PTPRM: variants seen among roughly 807,000 people sequenced by gnomAD.
PTPRM encodes protein tyrosine phosphatase receptor type M, also known as receptor-type tyrosine-protein phosphatase mu.
A neutral mutation model predicts 186.7 loss-of-function variants in PTPRM; 47 were observed. The observed-to-expected ratio is 0.25, with a 90% CI of 0.20 to 0.32. The LOEUF (loss-of-function observed/expected upper bound fraction) is 0.32. Ranked by LOEUF, PTPRM falls within the 10% of genes least tolerant of loss-of-function variation. The probability of loss-of-function intolerance (pLI) is 1.00; values close to 1 mark genes in which losing one functional copy is unlikely to be tolerated. For missense variants in PTPRM, 1,494 were observed against 1,865.0 expected (o/e 0.80, Z 3.66); for synonymous variants, 668 against 674.9 (o/e 0.99, Z 0.16).
Position 8,170,411 on chromosome 18 carries a change from G to A in PTPRM, c.2300+26632G>A, listed in dbSNP as rs143436867. On this transcript the variant is annotated intron_variant, in intron 14 of 32. Transcript: ENST00000580170. ...ACTATCAAGCAGTAAATTTGTAAAT[G>A]AGCTGAGCGTTTGTTGTTATTAAAG... Among the ~76,000 whole-genome samples, 1,313 of 151,830 alleles carry A rather than the reference G, an allele frequency of 8.6e-3. 10 individuals are homozygous for A. The highest frequency in any genetic ancestry group is 0.023 in the African/African-American group (954 of 41,408).
intron 7 of PTPRM, among the ~76,000 whole-genome samples, chr18:8,066,520 A>G (rs528252236): frequency 1.4e-4 from 21 of 152,202 alleles, no homozygotes; most frequent in African/African-American, 5.1e-4. Flanking sequence ...TCCCTATCCT[A>G]TGTTGACGTG....
intron 1 of PTPRM, among the ~76,000 whole-genome samples, chr18:7,575,041 A>G (rs911434343): frequency 1.3e-5 from 2 of 152,274 alleles, no homozygotes; most frequent in South Asian, 2.1e-4. Flanking sequence ...CAAAAAACAG[A>G]AAAAAATAAT....
chr18:8,229,377 G>T (rs1285688926), intron 14 of PTPRM, among the ~76,000 whole-genome samples: 1 of 152,142 alleles, frequency 6.6e-6, no homozygotes, highest in East Asian at 1.9e-4. Flanking sequence ...TGAAATTAAA[G>T]AGTAGGAAAA....
intron 14 of PTPRM, among the ~76,000 whole-genome samples, chr18:8,240,640 AGAGAGAGAGAGAG>A: frequency 5.1e-5 from 2 of 39,384 alleles, no homozygotes; most frequent in African/African-American, 2.5e-4. Context: ...AGAGAGAGAG[AGAGAGAGAGAGAG>A]AAAGAAAGAA....
intron 13 of PTPRM, among the ~76,000 whole-genome samples, chr18:8,119,370 G>A (rs968013788): frequency 2.0e-5 from 3 of 152,126 alleles, no homozygotes; most frequent in African/African-American, 7.2e-5. Flanking sequence ...GAATGAAAGA[G>A]CGCTGATAAA....
intron 2 of PTPRM, among the ~76,000 whole-genome samples, chr18:7,856,566 C>G (rs1386002126): frequency 6.6e-6 from 1 of 151,324 alleles, no homozygotes; most frequent in East Asian, 1.9e-4. Flanking sequence ...TAGTGAGACC[C>G]TGTCTTTGCA....
intron 1 of PTPRM, among the ~76,000 whole-genome samples, chr18:7,772,228 G>A (rs929874489): frequency 2.1e-5 from 3 of 143,766 alleles, no homozygotes; most frequent in African/African-American, 5.7e-5. Context: ...GCTTTCCTGT[G>A]CAAAAGCTAA....
chr18:7,765,351 T>A (rs969192515), intron 1 of PTPRM, among the ~76,000 whole-genome samples: 31 of 152,298 alleles, frequency 2.0e-4, no homozygotes, highest in African/African-American at 7.5e-4. Context: ...CTGTGTAATG[T>A]GTAAAAACTG....
At chr18:7,670,416 T>C (rs906811360) in intron 1 of PTPRM, among the ~76,000 whole-genome samples, 2 of 152,244 alleles carry the variant, frequency 1.3e-5, no homozygotes, top group Non-Finnish European at 2.9e-5. Flanking sequence ...GCCTATAAAT[T>C]ATGTTGTAGC....
chr18:7,875,042 A>G (rs1055733206), intron 2 of PTPRM, among the ~76,000 whole-genome samples: 1 of 152,018 alleles, frequency 6.6e-6, no homozygotes, highest in African/African-American at 2.4e-5. Flanking sequence ...AAAATAAAAA[A>G]TAAGTTAGCT....
intron 1 of PTPRM, among the ~76,000 whole-genome samples, chr18:7,682,101 G>T (rs1261282981): frequency 6.6e-6 from 1 of 152,184 alleles, no homozygotes; most frequent in Non-Finnish European, 1.5e-5. Context: ...TTATATGTTG[G>T]TCTCAAGACT....
intron 1 of PTPRM, among the ~76,000 whole-genome samples, chr18:7,656,380 CAG>C (rs1346059865): frequency 6.6e-6 from 1 of 152,018 alleles, no homozygotes; most frequent in Non-Finnish European, 1.5e-5. Flanking sequence ...GATTTGGAAA[CAG>C]AAAGTAGAAT....
intron 15 of PTPRM, among the ~76,000 whole-genome samples, chr18:8,246,945 A>C (rs1164045884): frequency 1.3e-5 from 2 of 152,214 alleles, no homozygotes; most frequent in South Asian, 4.1e-4. Flanking sequence ...ATTGTGTCTT[A>C]GTGTCCTGAT....
chr18:7,631,054 A>G (rs987597185), intron 1 of PTPRM, among the ~76,000 whole-genome samples: 1 of 152,082 alleles, frequency 6.6e-6, no homozygotes, highest in East Asian at 1.9e-4. Flanking sequence ...GGCCAGAAAC[A>G]TTTTCCCTCA....
chr18:7,920,224 A>G (rs2050780639), intron 4 of PTPRM, among the ~76,000 whole-genome samples: 1 of 152,034 alleles, frequency 6.6e-6, no homozygotes, highest in Non-Finnish European at 1.5e-5. Context: ...TACTACTGCC[A>G]TTTTGTTGCT....
intron 14 of PTPRM, among the ~76,000 whole-genome samples, chr18:8,217,351 G>A (rs1378142084): frequency 6.6e-6 from 1 of 152,168 alleles, no homozygotes; most frequent in Non-Finnish European, 1.5e-5. Context: ...CTGGGGTCTA[G>A]GCATTTCTTC....
intron 1 of PTPRM, among the ~76,000 whole-genome samples, chr18:7,601,303 G>T (rs1185553746): frequency 6.6e-6 from 1 of 152,166 alleles, no homozygotes; most frequent in East Asian, 1.9e-4. Flanking sequence ...ATATTTCTCT[G>T]CCCCCTTTTA....
intron 7 of PTPRM, among the ~76,000 whole-genome samples, chr18:7,964,671 A>G (rs1380278648): frequency 6.6e-6 from 1 of 152,248 alleles, no homozygotes; most frequent in Non-Finnish European, 1.5e-5. Flanking sequence ...ATCTTTCAAT[A>G]GGACTTTTAA....
chr18:8,304,426 A>G (rs2095197040), intron 20 of PTPRM, among the ~76,000 whole-genome samples: 1 of 152,146 alleles, frequency 6.6e-6, no homozygotes, highest in Admixed American at 6.5e-5. Flanking sequence ...TTGTTGTGAC[A>G]AGGTCTTTAT....
Sources: gnomAD v4.1 joint callset for allele counts (sites outside exome capture counted in the v4.1 genomes callset) on GRCh38, gnomAD v4.1.1 for gene constraint, MANE v1.5 for transcripts, NCBI Gene and HGNC (gene_info 2026-07-23, HGNC 2026-07-21) for gene names.